The following TNR variants were observed in gnomAD, a reference collection of about 807,000 sequenced individuals.
The protein encoded by TNR is tenascin R.
TNR carries 45 observed loss-of-function variants against 150.4 expected under a neutral mutation model. That is an observed-to-expected ratio of 0.30 (90% CI 0.24 to 0.38). TNR has a LOEUF of 0.38. Ranked by LOEUF, TNR falls within the 10% of genes least tolerant of loss-of-function variation. TNR has a pLI of 1.00. For missense variants in TNR, 1,544 were observed against 1,759.1 expected (o/e 0.88, Z 2.19); for synonymous variants, 687 against 678.4 (o/e 1.01, Z -0.20).
chr1:175,391,941 C>A (rs1462762958), intron 6 of TNR, among the ~76,000 whole-genome samples: 1 of 152,166 alleles, frequency 6.6e-6, no homozygotes, highest in African/African-American at 2.4e-5. Flanking sequence ...TGAGCCAGAG[C>A]TAATATTTTG....
intron 19 of TNR, among the ~76,000 whole-genome samples, chr1:175,336,368 G>GA (rs1650252808): frequency 6.6e-6 from 1 of 152,192 alleles, no homozygotes; most frequent in African/African-American, 2.4e-5. Context: ...ACATATGTCA[G>GA]AAACATAAAA....
At chr1:175,441,967 A>T (rs1655811519) in intron 2 of TNR, among the ~76,000 whole-genome samples, 1 of 152,218 alleles carries the variant, frequency 6.6e-6, no homozygotes, top group Non-Finnish European at 1.5e-5. Flanking sequence ...CATATTTTGC[A>T]TTTGGAAGTC....
At chr1:175,466,032 T>C (rs1014889936) in intron 2 of TNR, among the ~76,000 whole-genome samples, 1 of 152,194 alleles carries the variant, frequency 6.6e-6, no homozygotes, top group Admixed American at 6.5e-5. Context: ...GAACTTGCTG[T>C]GTGGAATTGG....
At position 175,359,879 on chromosome 1, in the gene TNR, T is replaced by C. The variant is rs529048678; in HGVS notation, c.2855-148A>G. 33 of 1,063,290 alleles carry C rather than the reference T, an allele frequency of 3.1e-5. No individual in the cohort carries two copies. The South Asian group carries it at 4.3e-4, about 14-fold the overall frequency. 65.9% of individuals were successfully genotyped at this position (1,063,290 alleles called of 1,614,324 possible). ...GAGCAGAAACCTCTTCCCTTTCTCC[T>C]CTTCTGGTTCCATCAGCCTCTTCCA... On this transcript the variant is annotated intron_variant, in intron 14 of 22. Transcript: ENST00000367674.
At chr1:175,358,944 G>A (rs188020421) in intron 15 of TNR, among the ~76,000 whole-genome samples, 1 of 152,118 alleles carries the variant, frequency 6.6e-6, no homozygotes, top group Non-Finnish European at 1.5e-5. Context: ...CTTGCTCTGC[G>A]AATATTTAGA....
chr1:175,359,761 T>C (rs759356428), intron 14 of TNR, 30 bp from the exon 15 acceptor site: 1 of 1,581,938 alleles, frequency 6.3e-7, no homozygotes, highest in South Asian at 1.2e-5. Context: ...CAGTTACAGA[T>C]AAGAGGAGCT....
At chr1:175,537,355 G>A (rs533776415) in intron 1 of TNR, among the ~76,000 whole-genome samples, 9 of 152,262 alleles carry the variant, frequency 5.9e-5, no homozygotes, top group African/African-American at 2.2e-4. Flanking sequence ...TGGACCTAGG[G>A]GAATATTTCT....
At chr1:175,332,016 T>G (rs1649960940) in intron 20 of TNR, among the ~76,000 whole-genome samples, 1 of 152,244 alleles carries the variant, frequency 6.6e-6, no homozygotes, top group Non-Finnish European at 1.5e-5. Flanking sequence ...CTTGTGCTTG[T>G]GCAGATGTAG....
intron 2 of TNR, among the ~76,000 whole-genome samples, chr1:175,473,715 C>A (rs148005052): frequency 6.6e-6 from 1 of 152,350 alleles, no homozygotes; most frequent in Non-Finnish European, 1.5e-5. Context: ...AAGGCTGAAG[C>A]ACTTTGTCTT....
chr1:175,597,138 A>G (rs1663041533), intron 1 of TNR, among the ~76,000 whole-genome samples: 1 of 152,182 alleles, frequency 6.6e-6, no homozygotes, highest in East Asian at 1.9e-4. Flanking sequence ...CTTTGCAAAC[A>G]TTATCTCATT....
intron 2 of TNR, among the ~76,000 whole-genome samples, chr1:175,487,835 T>G (rs1456680466): frequency 6.6e-6 from 1 of 152,188 alleles, no homozygotes; most frequent in Non-Finnish European, 1.5e-5. Context: ...GTTATTTTAG[T>G]TATTATTCTT....
chr1:175,465,328 T>G (rs113365126), intron 2 of TNR, among the ~76,000 whole-genome samples: 21 of 152,336 alleles, frequency 1.4e-4, no homozygotes, highest in African/African-American at 5.1e-4. Context: ...AACTTTTAAG[T>G]TCAGTGTCTG....
intron 2 of TNR, among the ~76,000 whole-genome samples, chr1:175,490,136 T>G (rs917311590): frequency 6.6e-6 from 1 of 152,244 alleles, no homozygotes; most frequent in Non-Finnish European, 1.5e-5. Flanking sequence ...AGATTCCCTA[T>G]TTAATAAATG....
chr1:175,561,720 G>A (rs1380963273), intron 1 of TNR, among the ~76,000 whole-genome samples: 1 of 152,326 alleles, frequency 6.6e-6, no homozygotes, highest in East Asian at 1.9e-4. Flanking sequence ...CAAAATGATA[G>A]GAGTGCATCT....
At chr1:175,664,310 G>A (rs1473309645) in intron 1 of TNR, among the ~76,000 whole-genome samples, 3 of 152,198 alleles carry the variant, frequency 2.0e-5, no homozygotes, top group African/African-American at 4.8e-5. Context: ...CTATCAGAAG[G>A]GGCAGAGTGG....
At chr1:175,630,978 C>CT (rs1188521561) in intron 1 of TNR, among the ~76,000 whole-genome samples, 1 of 152,196 alleles carries the variant, frequency 6.6e-6, no homozygotes, top group Admixed American at 6.5e-5. Context: ...TTAATTTCGG[C>CT]TTTATCTGAT....
At chr1:175,374,382 G>T (rs56884251) in intron 9 of TNR, among the ~76,000 whole-genome samples, 3,690 of 152,312 alleles carry the variant, frequency 0.024, 147 homozygotes, top group African/African-American at 0.084. Flanking sequence ...GTGTGTACGT[G>T]TGAGGGTATG....
chr1:175,644,692 G>A (rs1664758177), intron 1 of TNR, among the ~76,000 whole-genome samples: 1 of 152,200 alleles, frequency 6.6e-6, no homozygotes, highest in African/African-American at 2.4e-5. Context: ...TCCTTCTCCT[G>A]GCATGGGGCC....
In TNR at chr1:175,704,813, A is replaced by G. The variant is rs772307274; in HGVS notation, c.-165+38413T>C. 4.6e-5 allele frequency among the ~76,000 whole-genome samples: 7 copies of G among 152,326 alleles called. No individual in the cohort carries two copies. The South Asian group carries it at 8.3e-4, about 18-fold the overall frequency. ...ATTTTCATGAGTTGCGGCTGTTTAC[A>G]TGCAAACCTGTCATTCAGATGATGT... On this transcript the variant is annotated intron_variant, in intron 1 of 22. Coordinates refer to ENST00000367674, the MANE Select transcript of TNR (RefSeq NM_003285.3).
Sources: allele counts gnomAD v4.1 joint callset (sites outside exome capture counted in the v4.1 genomes callset), GRCh38; gene constraint gnomAD v4.1.1; transcripts MANE v1.5; gene names NCBI Gene and HGNC (gene_info 2026-07-23, HGNC 2026-07-21).